MSTO1: variants seen among roughly 807,000 people sequenced by gnomAD.
MSTO1 encodes misato mitochondrial distribution and morphology regulator 1.
MSTO1 carries 24 observed loss-of-function variants against 55.7 expected under a neutral mutation model. The ratio of observed to expected loss-of-function variants is 0.43; its 90% CI spans 0.31 to 0.61. MSTO1 has a LOEUF of 0.61. Ranked by LOEUF, MSTO1 falls within the 20% of genes least tolerant of loss-of-function variation. The pLI, the probability that MSTO1 is intolerant of heterozygous loss-of-function variation, is 0.09. For missense variants in MSTO1, 363 were observed against 625.7 expected, an observed-to-expected ratio of 0.58 and a Z score of 4.48; for synonymous variants, 162 against 252.8, an observed-to-expected ratio of 0.64 and a Z score of 3.41.
rs765363273 is a variant in MSTO1, at chr1:155,612,409, C to T, written c.814-9C>T. ...AGCTGCTTAATACAAACTACTCTTT[C>T]TTCACCAGGAGGCCCAGAGAAACAT... On this transcript the variant is annotated splice_polypyrimidine_tract_variant and intron_variant, in intron 8 of 13. Coordinates refer to ENST00000245564, the MANE Select transcript of MSTO1 (RefSeq NM_018116.4). 1 of 1,608,188 alleles carries T rather than the reference C, an allele frequency of 6.2e-7. No homozygotes were observed. The highest frequency in any genetic ancestry group is 8.5e-7 in the Non-Finnish European group (1 of 1,176,966).
At chr1:155,567,308 A>ATTTT in the MSTO1 span, among the ~76,000 whole-genome samples, 40 of 123,390 alleles carry the variant, frequency 3.2e-4, no homozygotes, top group African/African-American at 1.2e-3. Flanking sequence ...AATTTTTGTA[A>ATTTT]TTTTTTTTTT....
chr1:155,585,522 CAA>C, the MSTO1 span, among the ~76,000 whole-genome samples: 5 of 56,902 alleles, frequency 8.8e-5, no homozygotes, highest in Admixed American at 1.9e-4. Context: ...GACTCCGTCT[CAA>C]AAAAAAAAAA....
At chr1:155,606,198 C>CTTTTTTTTTTTT (rs747681932), upstream of MSTO1, among the ~76,000 whole-genome samples, 72 of 28,108 alleles carry the variant, frequency 2.6e-3, 6 homozygotes, top group South Asian at 7.3e-3. Flanking sequence ...CATGCCCAGC[C>CTTTTTTTTTTTT]TTTTTTTTTT....
At chr1:155,590,209 G>C in the MSTO1 span, among the ~76,000 whole-genome samples, 1 of 151,996 alleles carries the variant, frequency 6.6e-6, no homozygotes, top group Non-Finnish European at 1.5e-5. Flanking sequence ...GAGTACGATG[G>C]GGGGCAGCTG....
chr1:155,602,245 G>C, the MSTO1 span: 2 of 448,266 alleles, frequency 4.5e-6, no homozygotes, highest in Non-Finnish European at 8.8e-6. Context: ...TTAGGAGACC[G>C]AGGAGGGTGA....
the MSTO1 span, among the ~76,000 whole-genome samples, chr1:155,572,904 C>A: frequency 1.3e-5 from 2 of 152,044 alleles, no homozygotes; most frequent in Non-Finnish European, 2.9e-5. Context: ...CCCGCCCTGG[C>A]CTCCCAAAGT....
intron 8 of MSTO1, 22 bp from the exon 9 acceptor site, chr1:155,612,396 C>T (rs1410112068): frequency 6.2e-7 from 1 of 1,602,274 alleles, no homozygotes; most frequent in East Asian, 2.2e-5. Context: ...CTGCTTAATA[C>T]AAACTACTCT....
At chr1:155,595,646 T>C in the MSTO1 span, among the ~76,000 whole-genome samples, 151,590 of 152,052 alleles carry the variant, frequency 1, 75,568 homozygotes, top group Middle Eastern at 1. Flanking sequence ...CACCACCACA[T>C]CCAGCTAATT....
At position 155,613,040 on chromosome 1, in the gene MSTO1, T is replaced by A. The variant is rs1269464964; in HGVS notation, c.1099-9T>A. The A allele has an allele frequency of 6.2e-7, 1 of 1,613,780 alleles. No homozygotes were observed. The highest frequency in any genetic ancestry group is 8.5e-7 in the Non-Finnish European group (1 of 1,180,020). ...ATGTCCTATAACGTGTTCTCTTCCA[T>A]CTCTTTAGGTGGTGACAGCAGGAGC... On this transcript the variant is annotated splice_polypyrimidine_tract_variant and intron_variant, in intron 10 of 13. Transcript: ENST00000245564.
At chr1:155,585,201 G>A in the MSTO1 span, among the ~76,000 whole-genome samples, 2 of 152,174 alleles carry the variant, frequency 1.3e-5, no homozygotes, top group African/African-American at 4.8e-5. Context: ...CAACTCTGTT[G>A]TTGCTTTAAA....
the MSTO1 span, among the ~76,000 whole-genome samples, chr1:155,578,958 C>G: frequency 1.3e-5 from 2 of 151,296 alleles, no homozygotes; most frequent in African/African-American, 4.9e-5. Context: ...CCACTGCACC[C>G]GGCCCATAAC....
the MSTO1 span, among the ~76,000 whole-genome samples, chr1:155,576,172 T>C: frequency 6.6e-6 from 1 of 152,048 alleles, no homozygotes; most frequent in Non-Finnish European, 1.5e-5. Context: ...ATGTTCTTTA[T>C]ATATTATGGA....
the MSTO1 span, chr1:155,598,747 A>C: frequency 1.6e-6 from 1 of 642,204 alleles, no homozygotes; most frequent in Non-Finnish European, 2.7e-6. Flanking sequence ...CAAAAAAAAC[A>C]TAAGTACTGT....
the MSTO1 span, among the ~76,000 whole-genome samples, chr1:155,597,518 T>G: frequency 1.3e-5 from 2 of 151,812 alleles, no homozygotes; most frequent in East Asian, 1.9e-4. Flanking sequence ...TTGCAAACTT[T>G]TTTTTTTTTT....
chr1:155,564,805 C>T, the MSTO1 span, among the ~76,000 whole-genome samples: 203 of 152,230 alleles, frequency 1.3e-3, 2 homozygotes, highest in African/African-American at 4.0e-3. Flanking sequence ...GCATCACAGG[C>T]TAGCGCAAAG....
chr1:155,613,354 A>T, intron 11 of MSTO1, 108 bp from the exon 12 acceptor site: 1 of 1,570,788 alleles, frequency 6.4e-7, no homozygotes, highest in Non-Finnish European at 8.6e-7. Context: ...AAGGAAAAAA[A>T]AAAGGGCTTT....
At chr1:155,595,528 G>T in the MSTO1 span, among the ~76,000 whole-genome samples, 1 of 140,380 alleles carries the variant, frequency 7.1e-6, no homozygotes, top group African/African-American at 2.7e-5. Flanking sequence ...TTACTCTGTT[G>T]TTAGGCTGGA....
upstream of MSTO1, among the ~76,000 whole-genome samples, chr1:155,608,471 C>A (rs12077558): frequency 6.6e-6 from 1 of 151,724 alleles, no homozygotes; most frequent in Non-Finnish European, 1.5e-5. Context: ...TGAGCCTCTG[C>A]GCCCAACCAA....
the MSTO1 span, among the ~76,000 whole-genome samples, chr1:155,564,900 T>C: frequency 6.6e-6 from 1 of 152,044 alleles, no homozygotes; most frequent in Non-Finnish European, 1.5e-5. Flanking sequence ...GGCGCATGGA[T>C]CACGAGGTCA....
Sources: allele counts gnomAD v4.1 joint callset (sites outside exome capture counted in the v4.1 genomes callset), GRCh38; gene constraint gnomAD v4.1.1; transcripts MANE v1.5; gene names NCBI Gene and HGNC (gene_info 2026-07-23, HGNC 2026-07-21).